The following TAOK1 variants were observed in gnomAD, a reference collection of about 807,000 sequenced individuals.
TAOK1 encodes the protein serine/threonine-protein kinase TAO1.
TAOK1 carries 21 observed loss-of-function variants against 138.3 expected under a neutral mutation model. The ratio of observed to expected loss-of-function variants is 0.15; its 90% confidence interval spans 0.11 to 0.22. The LOEUF is 0.22. Ranked by LOEUF, TAOK1 falls within the 10% of genes least tolerant of loss-of-function variation. TAOK1 has a pLI of 1.00. For synonymous variants in TAOK1, 361 were observed against 398.4 expected, an observed-to-expected ratio of 0.91 and a Z score of 1.12; for missense variants, 651 against 1,227.7, an observed-to-expected ratio of 0.53 and a Z score of 7.02.
intron 3 of TAOK1, among the ~76,000 whole-genome samples, chr17:29,474,514 C>T (rs1724051453): frequency 1.3e-5 from 2 of 152,098 alleles, no homozygotes; most frequent in African/African-American, 4.8e-5. Flanking sequence ...GGCCTAATTT[C>T]AACATTATTG....
intron 2 of TAOK1, among the ~76,000 whole-genome samples, chr17:29,461,932 A>T (rs2030541021): frequency 6.6e-6 from 1 of 152,156 alleles, no homozygotes; most frequent in South Asian, 2.1e-4. Context: ...GAAAGTTTGA[A>T]TGTAGTCCAG....
At chr17:29,421,035 T>G (rs1319914291) in intron 1 of TAOK1, among the ~76,000 whole-genome samples, 1 of 152,134 alleles carries the variant, frequency 6.6e-6, no homozygotes, top group Admixed American at 6.5e-5. Context: ...GTTCAAGTGA[T>G]TCTTCTGCCT....
chr17:29,440,683 C>T (rs1831336262), intron 1 of TAOK1, among the ~76,000 whole-genome samples: 1 of 151,918 alleles, frequency 6.6e-6, no homozygotes, highest in South Asian at 2.1e-4. Context: ...TCAAGCAATT[C>T]TCCTGCCTCA....
chr17:29,523,142 C>T (rs924461789), intron 17 of TAOK1, among the ~76,000 whole-genome samples: 1 of 151,420 alleles, frequency 6.6e-6, no homozygotes, highest in East Asian at 1.9e-4. Flanking sequence ...TGTCAACAAG[C>T]TTACCATTTG....
At chr17:29,456,162 A>G (rs1331659264) in intron 2 of TAOK1, among the ~76,000 whole-genome samples, 3 of 150,228 alleles carry the variant, frequency 2.0e-5, no homozygotes, top group African/African-American at 7.6e-5. Context: ...AGCCTGGACA[A>G]CATGTCAAAA....
intron 1 of TAOK1, among the ~76,000 whole-genome samples, chr17:29,416,839 C>G (rs551231859): frequency 6.6e-6 from 1 of 151,986 alleles, no homozygotes; most frequent in Non-Finnish European, 1.5e-5. Flanking sequence ...TCTTTTATAT[C>G]TTTTAGTTTA....
At chr17:29,434,184 G>C (rs2153022886) in intron 1 of TAOK1, among the ~76,000 whole-genome samples, 1 of 152,236 alleles carries the variant, frequency 6.6e-6, no homozygotes, top group Admixed American at 6.5e-5. Context: ...TTGGGCTTTT[G>C]GGTTCCCTTC....
At chr17:29,484,945 T>C (rs529125026) in intron 8 of TAOK1, among the ~76,000 whole-genome samples, 2 of 152,212 alleles carry the variant, frequency 1.3e-5, no homozygotes, top group Non-Finnish European at 2.9e-5. Context: ...TATGATAATA[T>C]CCTTTTCTAC....
chr17:29,416,404 C>T (rs74608677), intron 1 of TAOK1, among the ~76,000 whole-genome samples: 1 of 151,874 alleles, frequency 6.6e-6, no homozygotes, highest in African/African-American at 2.4e-5. Flanking sequence ...CTGGAAGATT[C>T]ACAGTACCCA....
rs2032429383 is a variant in TAOK1, at chr17:29,548,025, C to G, written c.*5003C>G. The G allele has an allele frequency of 6.6e-6, 1 of 152,156 alleles. No homozygotes were observed. Among genetic ancestry groups the G allele is most frequent in the Non-Finnish European group, 1.5e-5 (1 of 68,006 alleles). The allele number at this position is 152,156 out of a possible 1,614,324, so 9.4% of individuals were successfully genotyped here. A position where few individuals can be genotyped will look rare whatever the true frequency, so the allele number is the denominator to read the frequency against. Reference sequence around the variant, plus strand: ...AGAAGTAAGTTTTATTAAACACTGTCTAGAAAAAGAAAGTGAAGCTGAGAA... The same window carrying G: ...AGAAGTAAGTTTTATTAAACACTGTGTAGAAAAAGAAAGTGAAGCTGAGAA... On this transcript the variant is annotated 3_prime_UTR_variant, in exon 20 of 20. Coordinates refer to ENST00000261716, the MANE Select transcript of TAOK1 (RefSeq NM_020791.4).
intron 1 of TAOK1, chr17:29,424,759 T>A (rs1319686501): frequency 3.3e-5 from 5 of 152,092 alleles, no homozygotes; most frequent in Non-Finnish European, 5.9e-5. Flanking sequence ...AAGTTTAAAA[T>A]TTTTTTTAAT....
intron 1 of TAOK1, among the ~76,000 whole-genome samples, chr17:29,439,137 A>G (rs1448729632): frequency 6.6e-6 from 1 of 151,834 alleles, no homozygotes; most frequent in Non-Finnish European, 1.5e-5. Context: ...TAGCAGCGAT[A>G]TAGTATTCTT....
Position 29,536,722 on chromosome 17 carries a change from C to T in TAOK1, c.2544+2422C>T, listed in dbSNP as rs560961092. 2.3e-3 allele frequency among the ~76,000 whole-genome samples: 312 copies of T among 132,782 alleles called. 1 individual carries two copies. The highest frequency in any genetic ancestry group is 4.1e-3 in the Non-Finnish European group (258 of 63,620). The allele number at this position is 132,782 out of a possible 152,430, so 87.1% of individuals were successfully genotyped here. The stretch of plus-strand genomic sequence containing the variant: ...AAACTTTTTTTTTTTTTTTTTGAGA[C>T]GGAGTCTGGCTGTGTGGCCCAGGCT... On this transcript the variant is annotated intron_variant, in intron 19 of 19. Transcript: ENST00000261716.
chr17:29,511,711 T>G (rs1169412659), intron 15 of TAOK1: 1 of 151,870 alleles, frequency 6.6e-6, no homozygotes, highest in African/African-American at 2.4e-5. Flanking sequence ...CCTGGCTGAT[T>G]TTTAAATTTA....
chr17:29,528,839 CAAAAAAAA>C (rs58073512), intron 17 of TAOK1, among the ~76,000 whole-genome samples: 85 of 69,442 alleles, frequency 1.2e-3, no homozygotes, highest in Middle Eastern at 9.3e-3. Flanking sequence ...GACTCCGTCT[CAAAAAAAA>C]AAAAAAAAAA....
In TAOK1 at chr17:29,542,995, C is replaced by A. The variant is rs2032345450; in HGVS notation, c.2979C>A (p.Ser993=). ...GCACGAGTGTCACTTCACAAATATC[C>A]AATGGGTCACACATGTCTTATACAT... The part of the protein sequence containing the change: ...SRSTSVTSQI[S]NGSHMSYT The change falls in exon 20 of 20, where the codon TCC becomes TCA. Residue 993 remains serine (S), a synonymous_variant. Transcript: ENST00000261716. 1.2e-6 allele frequency: 2 copies of A among 1,604,892 alleles called. No individual in the cohort carries two copies. Among genetic ancestry groups the A allele is most frequent in the Non-Finnish European group, 1.7e-6 (2 of 1,174,402 alleles).
At chr17:29,525,983 G>A (rs570680126) in intron 17 of TAOK1, among the ~76,000 whole-genome samples, 8 of 152,254 alleles carry the variant, frequency 5.3e-5, no homozygotes, top group East Asian at 3.9e-4. Context: ...GCGACAGAGC[G>A]AGACTCCGTC....
In TAOK1 at chr17:29,482,184, C is replaced by T. The variant is rs757397122; in HGVS notation, c.564-13C>T. The T allele has an allele frequency of 1.3e-5, 20 of 1,577,018 alleles. No individual in the cohort carries two copies. The South Asian group carries it at 1.4e-4, about 11-fold the overall frequency. On this transcript the variant is annotated splice_polypyrimidine_tract_variant and intron_variant, in intron 7 of 19. Coordinates refer to ENST00000261716, the MANE Select transcript of TAOK1 (RefSeq NM_020791.4). ...AAAAAAAATCTTTAATTTAAATTAA[C>T]GTTTTGTTCTAGGATGGCCCCAGAA...
chr17:29,458,646 G>A (rs992408517), intron 2 of TAOK1, among the ~76,000 whole-genome samples: 1 of 151,906 alleles, frequency 6.6e-6, no homozygotes, highest in African/African-American at 2.4e-5. Context: ...ACAGACATGC[G>A]CCACCACACC....
Sources: gnomAD v4.1 joint callset for allele counts (sites outside exome capture counted in the v4.1 genomes callset) on GRCh38, gnomAD v4.1.1 for gene constraint, MANE v1.5 for transcripts, NCBI Gene and HGNC (gene_info 2026-07-23, HGNC 2026-07-21) for gene names.